The following FSIP2 variants were observed in gnomAD, a reference collection of about 807,000 sequenced individuals.
The protein encoded by FSIP2 is fibrous sheath interacting protein 2, also known as fibrous sheath-interacting protein 2.
FSIP2 carries 367 observed loss-of-function variants against 510.5 expected under a neutral mutation model. That is an observed-to-expected ratio of 0.72 (90% CI 0.66 to 0.78). The LOEUF is 0.78. Ranked by LOEUF, FSIP2 falls within the 30% of genes least tolerant of loss-of-function variation. The probability of loss-of-function intolerance (pLI) is 0.00; values close to 1 mark genes in which losing one functional copy is unlikely to be tolerated. For missense variants in FSIP2, 7,594 were observed against 7,901.7 expected, an observed-to-expected ratio of 0.96 and a Z score of 1.48; for synonymous variants, 2,601 against 2,732.2, an observed-to-expected ratio of 0.95 and a Z score of 1.50.
At chr2:185,813,415 A>C in intron 17 of FSIP2, 130 bp from the exon 18 acceptor site, 2 of 494,934 alleles carry the variant, frequency 4.0e-6, no homozygotes, top group East Asian at 6.9e-5. Context: ...CTAATATATA[A>C]TTAAGTGATA....
At chr2:185,739,026 C>T (rs535870919) in intron 1 of FSIP2, 33 bp downstream of exon 1, 2 of 1,521,578 alleles carry the variant, frequency 1.3e-6, no homozygotes, top group African/African-American at 1.4e-5. Context: ...GCGTCGCCCT[C>T]TGGCGGCCGC....
chr2:185,809,375 GT>G (rs1202416049), intron 17 of FSIP2, among the ~76,000 whole-genome samples: 4 of 151,390 alleles, frequency 2.6e-5, no homozygotes, highest in South Asian at 2.1e-4. Context: ...CCTTTTGAAA[GT>G]TTTTTTTTAA....
At chr2:185,751,692 G>A (rs1367218903) in intron 7 of FSIP2, among the ~76,000 whole-genome samples, 1 of 150,724 alleles carries the variant, frequency 6.6e-6, no homozygotes, top group East Asian at 2.0e-4. Flanking sequence ...GATTTTTAAT[G>A]ATCCCTTTGT....
intron 17 of FSIP2, among the ~76,000 whole-genome samples, chr2:185,812,401 T>C (rs1187636800): frequency 2.0e-5 from 3 of 152,096 alleles, no homozygotes; most frequent in Admixed American, 2.0e-4. Context: ...TGCCTGTACC[T>C]CCATTGTATC....
chr2:185,787,147 A>G (rs1693007636), intron 15 of FSIP2, among the ~76,000 whole-genome samples: 1 of 151,850 alleles, frequency 6.6e-6, no homozygotes, highest in African/African-American at 2.4e-5. Context: ...TTGATTTAGA[A>G]TAATTATCTT....
chr2:185,749,705 T>G (rs1692105184), intron 7 of FSIP2, among the ~76,000 whole-genome samples: 1 of 151,850 alleles, frequency 6.6e-6, no homozygotes, highest in Non-Finnish European at 1.5e-5. Flanking sequence ...TATTTTTGAC[T>G]GGTGATTTGT....
rs267599113 is a variant in FSIP2, at chr2:185,806,037, G to A, written c.16731G>A (p.Gly5577=). The A allele has an allele frequency of 1.3e-6, 2 of 1,551,288 alleles. No homozygotes were observed. Among genetic ancestry groups the A allele is most frequent in the African/African-American group, 1.4e-5 (1 of 72,230 alleles). Reference sequence around the variant, plus strand: ...ATTTAATTCCAACAGATAAAAAAGGGAAAGATGATGAGATATACACACATT... The same window carrying A: ...ATTTAATTCCAACAGATAAAAAAGGAAAAGATGATGAGATATACACACATT... ...KRNLIPTDKK[G]KDDEIYTHFS... Residue 5577 remains glycine (G), a synonymous_variant, in exon 17 of 23, where the codon GGG becomes GGA. Transcript: ENST00000424728.
At chr2:185,813,469 T>C (rs1347097504) in intron 17 of FSIP2, 76 bp from the exon 18 acceptor site, 1 of 810,716 alleles carries the variant, frequency 1.2e-6, no homozygotes, top group Non-Finnish European at 1.8e-6. Flanking sequence ...TATAAGAAAA[T>C]AGCTACATCA....
chr2:185,791,239 G>T lies in FSIP2; in HGVS notation c.4103G>T (p.Ser1368Ile). The change falls in exon 16 of 23, where the codon AGT (serine) becomes ATT (isoleucine). Residue 1368 changes from serine (S) to isoleucine (I), a missense_variant. Ser to Ile is a moderately radical substitution (Grantham distance 142, BLOSUM62 -2). Transcript: ENST00000424728. ...TGTATTTATGATATGTTGTTATCAA[G>T]TGAAAATGCACATCAAAGAAGCATT... ...LTCIYDMLLSSENAHQRSISL... is the reference protein window; with the variant it reads ...LTCIYDMLLSIENAHQRSISL... 1.3e-6 allele frequency: 2 copies of T among 1,533,942 alleles called. No individual in the cohort carries two copies. Among genetic ancestry groups the T allele is most frequent in the Non-Finnish European group, 1.7e-6 (2 of 1,145,414 alleles).
intron 13 of FSIP2, 149 bp from the exon 14 acceptor site, chr2:185,782,556 T>C (rs1692874823): frequency 3.2e-6 from 2 of 618,790 alleles, no homozygotes; most frequent in Non-Finnish European, 5.7e-6. Flanking sequence ...AGGTCCTTGC[T>C]AAGGACTTTG....
chr2:185,744,225 T>A (rs1691980672), intron 3 of FSIP2, 97 bp from the exon 4 acceptor site: 1 of 236,788 alleles, frequency 4.2e-6, no homozygotes, highest in South Asian at 1.7e-4. Flanking sequence ...TATTTTTAAA[T>A]CAATTTAATG....
intron 15 of FSIP2, chr2:185,788,327 T>A (rs1232318769): frequency 5.8e-6 from 1 of 171,326 alleles, no homozygotes; most frequent in African/African-American, 2.4e-5. Flanking sequence ...AGACAGCAAT[T>A]TAGTGATATT....
chr2:185,756,585 T>G (rs12991700), intron 9 of FSIP2, among the ~76,000 whole-genome samples: 47,446 of 151,236 alleles, frequency 0.31, 7,761 homozygotes, highest in Middle Eastern at 0.4. Context: ...ATATTTTTGC[T>G]CAAAATAATC....
chr2:185,799,616 T>C, intron 16 of FSIP2, 81 bp from the exon 17 acceptor site: 1 of 665,632 alleles, frequency 1.5e-6, no homozygotes, highest in Non-Finnish European at 2.2e-6. Context: ...GAAATATATA[T>C]GTAAATAATA....
chr2:185,793,853 G>A lies in FSIP2; in HGVS notation c.6717G>A (p.Gln2239=), dbSNP rs779911854. 1 of 1,531,994 alleles carries A rather than the reference G, an allele frequency of 6.5e-7. No individual in the cohort carries two copies. The highest frequency in any genetic ancestry group is 1.2e-5 in the South Asian group (1 of 83,452). The allele number at this position is 1,531,994 out of a possible 1,614,324, so 94.9% of individuals were successfully genotyped here. Residue 2239 remains glutamine, a synonymous_variant, in exon 16 of 23, where the codon CAG becomes CAA. Coordinates refer to ENST00000424728, the MANE Select transcript of FSIP2 (RefSeq NM_173651.4). The stretch of plus-strand genomic sequence containing the variant: ...CTGTAGTAGAGAAAGAAGACACTCA[G>A]AAATCTGCTACTGACTCATGTGAGG... The part of the protein sequence containing the change: ...QITVVEKEDT[Q]KSATDSCEEN...
intron 18 of FSIP2, among the ~76,000 whole-genome samples, chr2:185,814,911 C>T (rs1228087450): frequency 6.6e-6 from 1 of 151,910 alleles, no homozygotes; most frequent in Non-Finnish European, 1.5e-5. Flanking sequence ...CTTAGATGAA[C>T]CATAGAAAAT....
chr2:185,828,149 T>G lies in FSIP2; in HGVS notation c.20474-7T>G. On this transcript the variant is annotated splice_region_variant and splice_polypyrimidine_tract_variant and intron_variant, in intron 20 of 22. Transcript: ENST00000424728. ...CTATTTTACTTTTTTTTTTTTAATC[T>G]CTACAGAAAGTTCTCAGGAACAAAA... is the stretch of plus-strand genomic sequence containing the variant. 6.5e-7 allele frequency: 1 copy of G among 1,533,482 alleles called. No homozygotes were observed. The allele number at this position is 1,533,482 out of a possible 1,614,324, so 95.0% of individuals were successfully genotyped here.
At chr2:185,758,343 TA>T (rs1019431457) in intron 9 of FSIP2, among the ~76,000 whole-genome samples, 9 of 150,008 alleles carry the variant, frequency 6.0e-5, no homozygotes, top group Admixed American at 5.3e-4. Context: ...CCTTGCACAG[TA>T]AAAAAAAACT....
rs1429390055 is a variant in FSIP2 at position 185,789,777 on chromosome 2, A to C, written c.2641A>C (p.Ser881Arg). Reference protein sequence around the residue: ...NKSSLESDEASLIVNEEVQNL... With the variant: ...NKSSLESDEARLIVNEEVQNL... ...ATCTAGTCTTGAATCTGATGAAGCT[A>C]GTTTAATTGTCAATGAAGAAGTACA... Residue 881 changes from serine to arginine, a missense_variant, in exon 16 of 23, where the codon AGT (serine) becomes CGT (arginine). Coordinates refer to ENST00000424728, the MANE Select transcript of FSIP2 (RefSeq NM_173651.4). 12 of 1,534,328 alleles carry C rather than the reference A, an allele frequency of 7.8e-6. No homozygotes were observed. The highest frequency in any genetic ancestry group is 9.6e-6 in the Non-Finnish European group (11 of 1,145,656).
Sources: gnomAD v4.1 joint callset for allele counts (sites outside exome capture counted in the v4.1 genomes callset) on GRCh38, gnomAD v4.1.1 for gene constraint, MANE v1.5 for transcripts, NCBI Gene and HGNC (gene_info 2026-07-23, HGNC 2026-07-21) for gene names.